Variants in ADAMTS3 observed in about 807,000 individuals in gnomAD.
ADAMTS3 encodes the protein A disintegrin and metalloproteinase with thrombospondin motifs 3.
In ADAMTS3, 73 loss-of-function variants were observed where a neutral mutation model predicts 129.0. The ratio of observed to expected loss-of-function variants is 0.57; its 90% CI spans 0.47 to 0.69. The LOEUF (loss-of-function observed/expected upper bound fraction) is 0.69. ADAMTS3 is among the 30% of genes least tolerant of loss of function. The pLI, the probability that ADAMTS3 is intolerant of heterozygous loss-of-function variation, is 0.00. For missense variants in ADAMTS3, 1,457 were observed against 1,514.5 expected (o/e 0.96, Z 0.63); for synonymous variants, 477 against 510.8 (o/e 0.93, Z 0.89).
At chr4:72,424,544 T>C (rs1310898186) in intron 3 of ADAMTS3, among the ~76,000 whole-genome samples, 2 of 152,138 alleles carry the variant, frequency 1.3e-5, no homozygotes, top group African/African-American at 4.8e-5. Context: ...GAATTGATTT[T>C]ATTCAACTAT....
At chr4:72,474,375 T>A (rs1050933166) in intron 3 of ADAMTS3, among the ~76,000 whole-genome samples, 1 of 151,776 alleles carries the variant, frequency 6.6e-6, no homozygotes, top group Non-Finnish European at 1.5e-5. Flanking sequence ...TAAGGAAAAT[T>A]CAAATAAAGT....
intron 2 of ADAMTS3, among the ~76,000 whole-genome samples, chr4:72,554,688 C>T (rs904647022): frequency 1.5e-4 from 23 of 151,782 alleles, no homozygotes; most frequent in African/African-American, 5.6e-4. Context: ...CCCTTTTCTT[C>T]TAATTGCTTT....
chr4:72,374,058 T>C (rs2109870574), intron 4 of ADAMTS3, among the ~76,000 whole-genome samples: 1 of 152,046 alleles, frequency 6.6e-6, no homozygotes, highest in African/African-American at 2.4e-5. Context: ...CTAATAATTC[T>C]CTCTCCAGCT....
intron 4 of ADAMTS3, among the ~76,000 whole-genome samples, chr4:72,381,155 A>AT (rs1578630557): frequency 6.6e-6 from 1 of 152,306 alleles, no homozygotes; most frequent in East Asian, 1.9e-4. Flanking sequence ...GTGGCTGTGT[A>AT]GACTGGGGTG....
intron 3 of ADAMTS3, among the ~76,000 whole-genome samples, chr4:72,415,337 A>C (rs1722278231): frequency 6.6e-6 from 1 of 151,962 alleles, no homozygotes; most frequent in African/African-American, 2.4e-5. Flanking sequence ...AAATTCAAAA[A>C]ATCTCTAATT....
At chr4:72,304,848 A>C (rs1719043510) in intron 16 of ADAMTS3, among the ~76,000 whole-genome samples, 1 of 152,078 alleles carries the variant, frequency 6.6e-6, no homozygotes, top group African/African-American at 2.4e-5. Flanking sequence ...AAATGTATTT[A>C]TTCCTCTTGG....
intron 4 of ADAMTS3, among the ~76,000 whole-genome samples, chr4:72,376,170 G>C (rs1251223247): frequency 2.6e-5 from 4 of 152,070 alleles, no homozygotes; most frequent in Non-Finnish European, 5.9e-5. Context: ...AGTGTGTTTG[G>C]TCTGCTATAA....
chr4:72,386,695 A>G (rs1483226424), intron 4 of ADAMTS3, among the ~76,000 whole-genome samples: 2 of 152,192 alleles, frequency 1.3e-5, no homozygotes, highest in Non-Finnish European at 2.9e-5. Context: ...TAAACTAAAT[A>G]GTAGATAACT....
At chr4:72,483,166 G>GA (rs772412218) in intron 3 of ADAMTS3, among the ~76,000 whole-genome samples, 5 of 149,988 alleles carry the variant, frequency 3.3e-5, no homozygotes, top group African/African-American at 7.4e-5. Context: ...AATGAGGCAA[G>GA]AAAAAAAAGG....
intron 3 of ADAMTS3, among the ~76,000 whole-genome samples, chr4:72,498,198 A>C (rs2110020964): frequency 6.6e-6 from 1 of 152,202 alleles, no homozygotes; most frequent in Middle Eastern, 3.4e-3. Context: ...CATTTTGCTC[A>C]AAAGTAAGCA....
At chr4:72,405,837 C>T (rs1385933655) in intron 4 of ADAMTS3, among the ~76,000 whole-genome samples, 1 of 152,060 alleles carries the variant, frequency 6.6e-6, no homozygotes, top group African/African-American at 2.4e-5. Flanking sequence ...AGGATTTTTA[C>T]ATACAGATTC....
intron 4 of ADAMTS3, among the ~76,000 whole-genome samples, chr4:72,373,645 T>C (rs1476822443): frequency 6.6e-6 from 1 of 152,136 alleles, no homozygotes; most frequent in Non-Finnish European, 1.5e-5. Context: ...ACACCTGTAA[T>C]CCTAGCACTT....
chr4:72,466,818 T>A lies in ADAMTS3; in HGVS notation c.505-51847A>T, dbSNP rs370753865. ...TGAGATGATACCCAGAGTAATAGAATGGAAAAGGCTGTAATTTAGGGTCAG... is the reference window on the plus strand; with the variant it reads ...TGAGATGATACCCAGAGTAATAGAAAGGAAAAGGCTGTAATTTAGGGTCAG... On this transcript the variant is annotated intron_variant, in intron 3 of 21. Coordinates refer to ENST00000286657, the MANE Select transcript of ADAMTS3 (RefSeq NM_014243.3). 7.2e-5 allele frequency among the ~76,000 whole-genome samples: 11 copies of A among 152,156 alleles called. No individual in the cohort carries two copies. In the East Asian group the frequency reaches 2.1e-3, roughly 30 times the overall value.
chr4:72,376,749 C>T (rs1721142437), intron 4 of ADAMTS3, among the ~76,000 whole-genome samples: 1 of 152,110 alleles, frequency 6.6e-6, no homozygotes, highest in Non-Finnish European at 1.5e-5. Context: ...GTCTCCAAGG[C>T]CCAACCTCAC....
At chr4:72,334,933 G>C (rs1031663972) in intron 5 of ADAMTS3, among the ~76,000 whole-genome samples, 2 of 152,108 alleles carry the variant, frequency 1.3e-5, no homozygotes, top group African/African-American at 4.8e-5. Flanking sequence ...AAAAGCAGAT[G>C]AAAGACATCT....
Position 72,309,909 on chromosome 4 carries a change from C to T in ADAMTS3, c.2056-389G>A, listed in dbSNP as rs148843575. On this transcript the variant is annotated intron_variant, in intron 14 of 21. Transcript: ENST00000286657. The stretch of plus-strand genomic sequence containing the variant: ...TAATATAGTGAGTTGTATATTAGTG[C>T]AATCTTTAAAAGATGGTTATGATGT... 1.9e-3 allele frequency among the ~76,000 whole-genome samples: 292 copies of T among 152,106 alleles called. 1 individual carries two copies. The highest frequency in any genetic ancestry group is 0.01 in the Middle Eastern group (3 of 294).
intron 3 of ADAMTS3, among the ~76,000 whole-genome samples, chr4:72,512,585 A>C (rs572394728): frequency 6.6e-6 from 1 of 152,346 alleles, no homozygotes; most frequent in African/African-American, 2.4e-5. Flanking sequence ...GTATATTTTA[A>C]CATAACTGAA....
At chr4:72,521,907 C>A (rs1485161201) in intron 3 of ADAMTS3, among the ~76,000 whole-genome samples, 1 of 152,148 alleles carries the variant, frequency 6.6e-6, no homozygotes, top group Non-Finnish European at 1.5e-5. Flanking sequence ...TACTGCTCTA[C>A]TTAGATCACT....
chr4:72,294,239 T>C (rs1255103842), intron 19 of ADAMTS3, among the ~76,000 whole-genome samples: 1 of 152,036 alleles, frequency 6.6e-6, no homozygotes, highest in Non-Finnish European at 1.5e-5. Flanking sequence ...ATATGTGGAA[T>C]CTATAAAAGT....
Sources: allele counts gnomAD v4.1 joint callset (sites outside exome capture counted in the v4.1 genomes callset), GRCh38; gene constraint gnomAD v4.1.1; transcripts MANE v1.5; gene names NCBI Gene and HGNC (gene_info 2026-07-23, HGNC 2026-07-21).